The following EIF4ENIF1 variants were observed in gnomAD, a reference collection of about 807,000 sequenced individuals.
EIF4ENIF1 encodes the protein eukaryotic translation initiation factor 4E nuclear import factor 1.
In EIF4ENIF1, 23 loss-of-function variants were observed where a neutral mutation model predicts 110.5. The observed-to-expected ratio is 0.21, with a 90% CI of 0.15 to 0.29. EIF4ENIF1 has a LOEUF of 0.29. EIF4ENIF1 is among the 10% of genes least tolerant of loss of function. The probability of loss-of-function intolerance (pLI) is 1.00; values close to 1 mark genes in which losing one functional copy is unlikely to be tolerated. For missense variants in EIF4ENIF1, 1,031 were observed against 1,221.1 expected (o/e 0.84, Z 2.32); for synonymous variants, 440 against 437.0 (o/e 1.01, Z -0.09).
At chr22:31,465,578 G>A (rs1008950131) in intron 4 of EIF4ENIF1, among the ~76,000 whole-genome samples, 3 of 152,196 alleles carry the variant, frequency 2.0e-5, no homozygotes, top group Admixed American at 1.3e-4. Flanking sequence ...TGGTGGAAAC[G>A]TAAAATGGTA....
rs774326417 is a variant in EIF4ENIF1 at position 31,463,887 on chromosome 22, C to T, written c.379G>A (p.Val127Met). The T allele has an allele frequency of 7.4e-6, 12 of 1,614,168 alleles. No individual in the cohort carries two copies. Among genetic ancestry groups the T allele is most frequent in the Admixed American group, 1.7e-5 (1 of 60,012 alleles). ...QRRSFGGGCHVTAAVSSRRSG... is the reference protein window; with the variant it reads ...QRRSFGGGCHMTAAVSSRRSG... ...CGCCGGGAGCTAACAGCGGCTGTCA[C>T]GTGGCAGCCCCCTCCAAAGCTCCGT... Residue 127 changes from valine to methionine, a missense_variant, in exon 5 of 19, where the codon GTG (valine) becomes ATG (methionine). By Grantham distance (21) the Val-to-Met change is conservative (BLOSUM62 1). This residue lies in a region of EIF4ENIF1 where 704 missense variants were observed against 879.7 expected (regional missense o/e 0.80). Transcript: ENST00000330125.
chr22:31,455,322 T>C lies in EIF4ENIF1; in HGVS notation c.1100-7A>G, dbSNP rs745440712. 28 of 1,541,278 alleles carry C rather than the reference T, an allele frequency of 1.8e-5. No individual in the cohort carries two copies. The highest frequency in any genetic ancestry group is 9.7e-5 in the African/African-American group (7 of 72,130). On this transcript the variant is annotated splice_region_variant and splice_polypyrimidine_tract_variant and intron_variant, in intron 8 of 18. Coordinates refer to ENST00000330125, the MANE Select transcript of EIF4ENIF1 (RefSeq NM_019843.4). ...AGGATGGCTTGCTCCAGACCTGATA[T>C]TGCAAATAAACATACTCAAAATTAA...
chr22:31,455,922 G>T lies in EIF4ENIF1; in HGVS notation c.1029C>A (p.Asn343Lys). 1 of 1,614,126 alleles carries T rather than the reference G, an allele frequency of 6.2e-7. No individual in the cohort carries two copies. Among genetic ancestry groups the T allele is most frequent in the South Asian group, 1.1e-5 (1 of 91,088 alleles). Residue 343 changes from asparagine to lysine, a missense_variant, in exon 8 of 19, where the codon AAC becomes AAA. Transcript: ENST00000330125. ...TGGATCGGCTTCCTGATCTGCTCGG[G>T]TTAGAGAACCACCTACTGAACCGAC... ...SASRFSRWFS[N>K]PSRSGSRSSS...
intron 14 of EIF4ENIF1, 42 bp from the exon 15 acceptor site, chr22:31,444,732 A>G (rs769164189): frequency 5.7e-6 from 9 of 1,586,146 alleles, no homozygotes; most frequent in Non-Finnish European, 7.8e-6. Context: ...CAATCTGCTT[A>G]ACTTCAAGTC....
intron 6 of EIF4ENIF1, chr22:31,461,811 C>T (rs2051003653): frequency 6.6e-6 from 1 of 152,204 alleles, no homozygotes; most frequent in Non-Finnish European, 1.5e-5. Context: ...AAGGTAGGCT[C>T]TGATGCCCAG....
At chr22:31,473,819 C>T (rs2051475374) in intron 2 of EIF4ENIF1, among the ~76,000 whole-genome samples, 1 of 152,180 alleles carries the variant, frequency 6.6e-6, no homozygotes, top group African/African-American at 2.4e-5. Context: ...TTGCATTTAG[C>T]ATGCAATCTG....
chr22:31,440,212 TTAC>T (rs2145883410), intron 18 of EIF4ENIF1, 91 bp from the exon 19 acceptor site: 3 of 1,578,780 alleles, frequency 1.9e-6, no homozygotes, highest in South Asian at 2.3e-5. Flanking sequence ...AGAAAAGTCT[TTAC>T]TAGAGGATTT....
intron 7 of EIF4ENIF1, among the ~76,000 whole-genome samples, chr22:31,456,492 G>T (rs1002757406): frequency 3.3e-5 from 5 of 151,410 alleles, no homozygotes; most frequent in Admixed American, 3.3e-4. Context: ...CAAAGTGCTG[G>T]GATTACAAGC....
chr22:31,447,316 T>A, intron 14 of EIF4ENIF1, 110 bp downstream of exon 14: 8 of 1,315,356 alleles, frequency 6.1e-6, no homozygotes, highest in Non-Finnish European at 8.4e-6. Context: ...TTCTACCACA[T>A]ACTGAACATA....
At chr22:31,458,397 A>G in intron 7 of EIF4ENIF1, 78 bp downstream of exon 7, 1 of 1,294,544 alleles carries the variant, frequency 7.7e-7, no homozygotes, top group Non-Finnish European at 1.0e-6. Flanking sequence ...ATCTAGCAAA[A>G]CAACACTTTC....
At chr22:31,492,762 C>T (rs1169604913), upstream of EIF4ENIF1, among the ~76,000 whole-genome samples, 2 of 152,162 alleles carry the variant, frequency 1.3e-5, no homozygotes, top group Admixed American at 6.5e-5. Context: ...GAAGGAGTCT[C>T]GCTGTATCGC....
chr22:31,489,282 C>T (rs5998006), intron 1 of EIF4ENIF1: 33 of 153,126 alleles, frequency 2.2e-4, no homozygotes, highest in African/African-American at 7.0e-4. Flanking sequence ...CGAGCACCGG[C>T]TTCAGCTCCG....
At chr22:31,463,575 GGCTGAGGCA>G in intron 5 of EIF4ENIF1, 97 bp downstream of exon 5, 1 of 1,146,684 alleles carries the variant, frequency 8.7e-7, no homozygotes. Context: ...CCAGATACTG[GGCTGAGGCA>G]GCAGTGAGTC....
chr22:31,470,282 GTTGTT>G lies in EIF4ENIF1; in HGVS notation c.170+1557_170+1561del, dbSNP rs1601622096. On this transcript the variant is annotated intron_variant, in intron 3 of 18. Coordinates refer to ENST00000330125, the MANE Select transcript of EIF4ENIF1 (RefSeq NM_019843.4). ...GAGGCATCCAGGTTTTTTTGTTGTT[GTTGTT>G]TTGTTTTTTTTGAGATGGAGTCTTG... Among the ~76,000 whole-genome samples, 7 of 150,858 alleles carry G rather than the reference GTTGTT, an allele frequency of 4.6e-5. No homozygotes were observed. The East Asian group carries it at 1.2e-3, about 25-fold the overall frequency.
intron 10 of EIF4ENIF1, chr22:31,450,742 T>TATATACACACATACACACA: frequency 1.4e-5 from 2 of 138,656 alleles, no homozygotes; most frequent in East Asian, 7.0e-4. Context: ...ACACACACAC[T>TATATACACACATACACACA]CATATATACA....
chr22:31,477,214 A>G (rs568311896), intron 2 of EIF4ENIF1, among the ~76,000 whole-genome samples: 1 of 152,158 alleles, frequency 6.6e-6, no homozygotes, highest in East Asian at 1.9e-4. Flanking sequence ...AAATTAAAAA[A>G]TTAGCTGGGT....
chr22:31,471,325 T>G (rs1452751045), intron 3 of EIF4ENIF1, among the ~76,000 whole-genome samples: 2 of 151,780 alleles, frequency 1.3e-5, no homozygotes, highest in East Asian at 3.9e-4. Flanking sequence ...GTCTTTTTTT[T>G]TTTTTTTGAG....
chr22:31,447,097 T>C (rs1372293326), intron 14 of EIF4ENIF1: 1 of 415,452 alleles, frequency 2.4e-6, no homozygotes, highest in Non-Finnish European at 4.8e-6. Flanking sequence ...TTTTAAAATA[T>C]ATTTACTCAT....
At chr22:31,456,361 C>T (rs1169390328) in intron 7 of EIF4ENIF1, among the ~76,000 whole-genome samples, 10 of 151,586 alleles carry the variant, frequency 6.6e-5, no homozygotes, top group Middle Eastern at 3.2e-3. Context: ...GTAGCTGGGA[C>T]TACAGGCGCC....
Sources: gnomAD v4.1 joint callset for allele counts (sites outside exome capture counted in the v4.1 genomes callset) on GRCh38, gnomAD v4.1.1 for gene constraint, gnomAD v4.1.1 regional missense constraint, MANE v1.5 for transcripts, NCBI Gene and HGNC (gene_info 2026-07-23, HGNC 2026-07-21) for gene names.